The following TIMP4 variants were observed in gnomAD, a reference collection of about 807,000 sequenced individuals.
The protein encoded by TIMP4 is TIMP metallopeptidase inhibitor 4.
In TIMP4, 28 loss-of-function variants were observed where a neutral mutation model predicts 27.3. The observed-to-expected ratio is 1.03, with a 90% CI of 0.76 to 1.41. The LOEUF (loss-of-function observed/expected upper bound fraction) is 1.41, where lower values mean the gene tolerates loss of function less well. TIMP4 is among the 40% of genes most tolerant of loss of function. The pLI, the probability that TIMP4 is intolerant of heterozygous loss-of-function variation, is 0.00. For missense variants in TIMP4, 307 were observed against 285.5 expected, an observed-to-expected ratio of 1.08 and a Z score of -0.54; for synonymous variants, 138 against 115.5, an observed-to-expected ratio of 1.20 and a Z score of -1.25.
chr3:12,156,670 T>TC, intron 3 of TIMP4, 150 bp downstream of exon 3: 2 of 584,906 alleles, frequency 3.4e-6, no homozygotes, highest in Non-Finnish European at 6.1e-6. Flanking sequence ...AACCCAGAGG[T>TC]TGTCTGTCAC....
rs982815542 is a variant in TIMP4, at chr3:12,158,644, C to G, written c.139+58G>C. 5 of 1,599,534 alleles carry G rather than the reference C, an allele frequency of 3.1e-6. No individual in the cohort carries two copies. In the African/African-American group the frequency reaches 5.4e-5, roughly 17 times the overall value. On this transcript the variant is annotated intron_variant, in intron 1 of 4. Transcript: ENST00000287814. ...TCTGGACTCCTGGTGTACTGCTGGC[C>G]AGATACTAATCCCCCACAACCACCC...
rs1017694767 is a variant in TIMP4 at position 12,153,248 on chromosome 3, T to C, written c.*267A>G. The C allele has an allele frequency of 9.3e-6, 5 of 536,412 alleles. No homozygotes were observed. Among genetic ancestry groups the C allele is most frequent in the Non-Finnish European group, 1.7e-5 (5 of 295,964 alleles). The allele number at this position is 536,412 out of a possible 1,614,324, so 33.2% of individuals were successfully genotyped here. ...GGAGGAAAGGGAATAGTCCTGGCTT[T>C]AGAAAACAGACTAAGCCAGAAGAAA... is the stretch of plus-strand genomic sequence containing the variant. On this transcript the variant is annotated 3_prime_UTR_variant, in exon 5 of 5. Coordinates refer to ENST00000287814, the MANE Select transcript of TIMP4 (RefSeq NM_003256.4).
chr3:12,157,925 T>A (rs188317301), intron 1 of TIMP4, among the ~76,000 whole-genome samples: 5 of 152,366 alleles, frequency 3.3e-5, no homozygotes, highest in Non-Finnish European at 7.3e-5. Context: ...GTTCTGACCC[T>A]GCACTGAGGT....
chr3:12,155,798 C>A (rs976031482), intron 3 of TIMP4, among the ~76,000 whole-genome samples: 1 of 152,152 alleles, frequency 6.6e-6, no homozygotes, highest in Non-Finnish European at 1.5e-5. Flanking sequence ...TGCCTAGCAG[C>A]GGGCTAGACA....
chr3:12,157,561 A>G (rs2125231440), intron 1 of TIMP4, 79 bp from the exon 2 acceptor site: 3 of 1,420,670 alleles, frequency 2.1e-6, no homozygotes, highest in East Asian at 2.3e-5. Flanking sequence ...TCCAGGGTCC[A>G]TGAAGAAGTC....
chr3:12,158,341 A>G (rs955583590), intron 1 of TIMP4, among the ~76,000 whole-genome samples: 8 of 152,184 alleles, frequency 5.3e-5, no homozygotes, highest in African/African-American at 1.7e-4. Context: ...AGACACGGGT[A>G]GTTACAATGC....
chr3:12,155,762 T>G (rs1697437786), intron 3 of TIMP4, among the ~76,000 whole-genome samples: 1 of 152,192 alleles, frequency 6.6e-6, no homozygotes, highest in South Asian at 2.1e-4. Flanking sequence ...GGAACATGTT[T>G]CCTCATTTCC....
chr3:12,158,415 C>A lies in TIMP4; in HGVS notation c.139+287G>T, dbSNP rs139955754. Among the ~76,000 whole-genome samples the A allele has an allele frequency of 1.4e-4, 22 of 152,268 alleles. 1 individual carries two copies. Among genetic ancestry groups the A allele is most frequent in the Admixed American group, 3.3e-4 (5 of 15,300 alleles). ...GTTCAGAATAATCATCAGATAGCTC[C>A]GGTGACACCTTGTGTAATGACACTC... is the stretch of plus-strand genomic sequence containing the variant. On this transcript the variant is annotated intron_variant, in intron 1 of 4. Transcript: ENST00000287814.
intron 1 of TIMP4, 165 bp downstream of exon 1, chr3:12,158,537 G>T: frequency 1.0e-6 from 1 of 1,000,150 alleles, no homozygotes; most frequent in Non-Finnish European, 1.4e-6. Flanking sequence ...GGGCTTGCAA[G>T]GTTGCTATGG....
At position 12,158,670 on chromosome 3, in the gene TIMP4, C is replaced by T. The variant is rs565254389; in HGVS notation, c.139+32G>A. 7 of 1,607,718 alleles carry T rather than the reference C, an allele frequency of 4.4e-6. No individual in the cohort carries two copies. The East Asian group carries it at 8.9e-5, about 21-fold the overall frequency. On this transcript the variant is annotated intron_variant, in intron 1 of 4. Coordinates refer to ENST00000287814, the MANE Select transcript of TIMP4 (RefSeq NM_003256.4). ...AGATACTAATCCCCCACAACCACCC[C>T]CTGCTGTGGACCTCGCGGACCTCGG... is the stretch of plus-strand genomic sequence containing the variant.
rs753830644 is a variant in TIMP4 at position 12,158,740 on chromosome 3, G to A, written c.101C>T (p.Pro34Leu). 17 of 1,609,018 alleles carry A rather than the reference G, an allele frequency of 1.1e-5. No individual in the cohort carries two copies. Among genetic ancestry groups the A allele is most frequent in the East Asian group, 4.5e-5 (2 of 44,848 alleles). Residue 34 changes from proline (P) to leucine (L), a missense_variant, in exon 1 of 5, where the codon CCG (proline) becomes CTG (leucine). Transcript: ENST00000287814. ...PGLGEACSCA[P>L]AHPQQHICHS... ...GCAGATGTGCTGCTGAGGGTGCGCC[G>A]GGGCGCAGCTGCATGCCTCACCCAG... is the stretch of plus-strand genomic sequence containing the variant.
Position 12,153,756 on chromosome 3 carries a change from T to C in TIMP4, c.478-44A>G, listed in dbSNP as rs746613266. 1.1e-5 allele frequency: 17 copies of C among 1,601,540 alleles called. No homozygotes were observed. The East Asian group carries it at 2.5e-4, about 23-fold the overall frequency. On this transcript the variant is annotated intron_variant, in intron 4 of 4. Coordinates refer to ENST00000287814, the MANE Select transcript of TIMP4 (RefSeq NM_003256.4). Reference sequence around the variant, plus strand: ...AACATTAAAGTGAGTAGGGTGTCCTTCTTTTTCCATTGCTGCCTTTCAGAT... The same window carrying C: ...AACATTAAAGTGAGTAGGGTGTCCTCCTTTTTCCATTGCTGCCTTTCAGAT...
At position 12,158,804 on chromosome 3, in the gene TIMP4, G is replaced by T. The variant is rs1405442097; in HGVS notation, c.37C>A (p.Leu13Met). ...GSPRPAPSWV[L>M]LLRLLALLRP... ...AGCAACGCCAGCAGCCGCAGCAACA[G>T]CACCCAGCTTGGCGCGGGCCGAGGG... Residue 13 changes from leucine (L) to methionine (M), a missense_variant, in exon 1 of 5, where the codon CTG (leucine) becomes ATG (methionine). Leu to Met is a conservative substitution (Grantham distance 15). Transcript: ENST00000287814. 6.2e-7 allele frequency: 1 copy of T among 1,601,394 alleles called. No individual in the cohort carries two copies.
chr3:12,157,551 T>C, intron 1 of TIMP4, 69 bp from the exon 2 acceptor site: 2 of 1,483,040 alleles, frequency 1.3e-6, no homozygotes, highest in South Asian at 2.3e-5. Context: ...GTCTGGATGA[T>C]CCAGGGTCCA....
In TIMP4 at chr3:12,157,386, T is replaced by A; in HGVS notation, c.236A>T (p.Lys79Met). The part of the protein sequence containing the change: ...KMLRYEIKQI[K>M]MFKGFEKVKD... Reference sequence around the variant, plus strand: ...ACATCCCAGCCTGCCCCCATGTACCTTTATCTGTTTGATTTCATACCGGAG... The same window carrying A: ...ACATCCCAGCCTGCCCCCATGTACCATTATCTGTTTGATTTCATACCGGAG... The change falls in exon 2 of 5, where the codon AAG becomes ATG. Residue 79 changes from lysine (K) to methionine (M), a missense_variant and splice_region_variant. Transcript: ENST00000287814. 1 of 1,614,030 alleles carries A rather than the reference T, an allele frequency of 6.2e-7. No homozygotes were observed. Among genetic ancestry groups the A allele is most frequent in the Middle Eastern group, 1.6e-4 (1 of 6,062 alleles).
Position 12,153,381 on chromosome 3 carries a change from G to A in TIMP4, c.*134C>T. ...TGGCCCCTTCCCTGCCTTGACAGTGGCCAGACTGTCCACTTGGCACTTCTT... is the reference window on the plus strand; with the variant it reads ...TGGCCCCTTCCCTGCCTTGACAGTGACCAGACTGTCCACTTGGCACTTCTT... On this transcript the variant is annotated 3_prime_UTR_variant, in exon 5 of 5. Transcript: ENST00000287814. 9.4e-7 allele frequency: 1 copy of A among 1,063,062 alleles called. No individual in the cohort carries two copies. The highest frequency in any genetic ancestry group is 1.4e-5 in the South Asian group (1 of 71,342). The allele number at this position is 1,063,062 out of a possible 1,614,324, so 65.9% of individuals were successfully genotyped here.
chr3:12,153,833 T>G, intron 4 of TIMP4, 121 bp from the exon 5 acceptor site: 1 of 1,074,950 alleles, frequency 9.3e-7, no homozygotes. Context: ...TATCAAGCCT[T>G]TCCCAGTCCC....
chr3:12,158,559 TCTC>T, intron 1 of TIMP4, 140 bp downstream of exon 1: 1 of 1,267,432 alleles, frequency 7.9e-7, no homozygotes, highest in East Asian at 2.6e-5. Context: ...GCCTGGTCCT[TCTC>T]CACCCATCAG....
intron 1 of TIMP4, among the ~76,000 whole-genome samples, chr3:12,158,010 A>C (rs1348300993): frequency 6.6e-6 from 1 of 152,228 alleles, no homozygotes; most frequent in Non-Finnish European, 1.5e-5. Context: ...CTGGCCTTGC[A>C]CTAGGCACTA....
Sources: allele counts gnomAD v4.1 joint callset (sites outside exome capture counted in the v4.1 genomes callset), GRCh38; gene constraint gnomAD v4.1.1; transcripts MANE v1.5; gene names NCBI Gene and HGNC (gene_info 2026-07-23, HGNC 2026-07-21).